Variants in DMD observed in about 807,000 individuals in gnomAD.
DMD encodes mutant dystrophin.
In DMD, 63 loss-of-function variants were observed where a neutral mutation model predicts 330.1. The ratio of observed to expected loss-of-function variants is 0.19; its 90% CI spans 0.16 to 0.24. The LOEUF is 0.24. DMD is among the 10% of genes least tolerant of loss of function. DMD has a pLI of 1.00. For synonymous variants in DMD, 1,223 were observed against 959.8 expected (o/e 1.27, Z -5.07); for missense variants, 3,344 against 2,684.1 (o/e 1.25, Z -5.43).
chrX:32,799,033 C>T (rs2076362751), intron 7 of DMD, among the ~76,000 whole-genome samples: 1 of 111,236 alleles, frequency 9.0e-6, no homozygotes, highest in South Asian at 3.7e-4. Context: ...TAAAAATATT[C>T]TTCTCTTTTA....
At chrX:31,368,800 C>T (rs779983346) in intron 60 of DMD, among the ~76,000 whole-genome samples, 2 of 110,823 alleles carry the variant, frequency 1.8e-5, no homozygotes, top group Middle Eastern at 9.3e-3. Flanking sequence ...TGTGTGCCAC[C>T]AAGCCCAGCT....
At chrX:32,629,214 A>T in intron 11 of DMD, among the ~76,000 whole-genome samples, 1 of 111,502 alleles carries the variant, frequency 9.0e-6, no homozygotes, top group East Asian at 2.8e-4. Flanking sequence ...GTACATATTT[A>T]TTTACAATTG....
intron 7 of DMD, among the ~76,000 whole-genome samples, chrX:32,759,865 G>C (rs73621824): frequency 1.3e-5 from 1 of 75,758 alleles, no homozygotes; most frequent in Non-Finnish European, 2.4e-5. Flanking sequence ...GGGGGCGGGG[G>C]AAGACCCAGG....
intron 1 of DMD, among the ~76,000 whole-genome samples, chrX:33,269,858 G>A (rs188135459): frequency 7.3e-5 from 8 of 110,288 alleles, no homozygotes; most frequent in African/African-American, 2.3e-4. Context: ...TTGCAAATTC[G>A]GAGTTTTGCA....
intron 7 of DMD, among the ~76,000 whole-genome samples, chrX:32,798,406 C>T (rs1474780251): frequency 8.9e-6 from 1 of 111,966 alleles, no homozygotes; most frequent in East Asian, 2.8e-4. Flanking sequence ...TCTCATGCCT[C>T]TTCTAACTTT....
chrX:32,310,040 T>C (rs1043938556), intron 42 of DMD, 42 bp downstream of exon 42: 1 of 1,124,230 alleles, frequency 8.9e-7, no homozygotes, highest in African/African-American at 1.8e-5. Context: ...ATGATCAGTA[T>C]GATCACCTTG....
intron 2 of DMD, among the ~76,000 whole-genome samples, chrX:32,885,827 GAAAAAAA>G (rs35272541): frequency 4.1e-3 from 265 of 64,948 alleles, no homozygotes; most frequent in African/African-American, 0.014. Flanking sequence ...CCTTGAGGGG[GAAAAAAA>G]AAAAAAAAAA....
intron 47 of DMD, among the ~76,000 whole-genome samples, chrX:31,928,334 G>A (rs776168012): frequency 1.8e-4 from 20 of 111,606 alleles, no homozygotes; most frequent in African/African-American, 6.2e-4. Context: ...GGCTGGGCGC[G>A]GTGGCTCACG....
chrX:31,926,099 G>A (rs2094771503), intron 47 of DMD, among the ~76,000 whole-genome samples: 1 of 110,211 alleles, frequency 9.1e-6, no homozygotes. Flanking sequence ...CAGAAGTGTG[G>A]GTGAAGATCA....
chrX:31,393,606 C>T (rs1328260958), intron 60 of DMD, among the ~76,000 whole-genome samples: 1 of 110,759 alleles, frequency 9.0e-6, no homozygotes, highest in Non-Finnish European at 1.9e-5. Flanking sequence ...ATATCAACAA[C>T]TAGAAATTAT....
chrX:32,769,371 G>A (rs1347831956), intron 7 of DMD, among the ~76,000 whole-genome samples: 1 of 110,840 alleles, frequency 9.0e-6, no homozygotes, highest in Non-Finnish European at 1.9e-5. Flanking sequence ...AAAACAGCAC[G>A]GGAAAGACCT....
intron 44 of DMD, among the ~76,000 whole-genome samples, chrX:32,168,684 G>T (rs2096877170): frequency 9.0e-6 from 1 of 111,087 alleles, no homozygotes; most frequent in African/African-American, 3.3e-5. Context: ...AAGGGCTCAA[G>T]CTGATTATTT....
intron 9 of DMD, among the ~76,000 whole-genome samples, chrX:32,681,366 G>T (rs2062409992): frequency 9.0e-6 from 1 of 111,321 alleles, no homozygotes; most frequent in Non-Finnish European, 1.9e-5. Context: ...TCCAATCACT[G>T]AAATTAGTTT....
At chrX:31,287,881 C>T (rs2053352648) in intron 62 of DMD, among the ~76,000 whole-genome samples, 1 of 111,722 alleles carries the variant, frequency 9.0e-6, no homozygotes, top group Non-Finnish European at 1.9e-5. Context: ...TGAATCTTTT[C>T]TGGTGCCTTA....
In DMD at chrX:32,388,341, C is replaced by CTTTTTT. The variant is rs3044988; in HGVS notation, c.4518+1154_4518+1159dup. 5.4e-3 allele frequency among the ~76,000 whole-genome samples: 423 copies of CTTTTTT among 78,519 alleles called. 10 individuals carry two copies. The highest frequency in any genetic ancestry group is 0.023 in the Middle Eastern group (3 of 131). 68.2% of individuals were successfully genotyped at this position (78,519 alleles called of 115,157 possible). ...AGGCACTTGGGTCATTTATGCTTTC[C>CTTTTTT]TTTTTTTTTTTTTTGGCAAAATTTA... is the stretch of plus-strand genomic sequence containing the variant. On this transcript the variant is annotated intron_variant, in intron 32 of 78. Coordinates refer to ENST00000357033, the MANE Select transcript of DMD (RefSeq NM_004006.3).
rs1335099725 is a variant in DMD at position 31,496,699 on chromosome X, C to T, written c.8547+89G>A. ...AAGAGTAAAAAAGATTTCTATTCAA[C>T]TTAATTTCAAACAAAATTAATTTTA... On this transcript the variant is annotated intron_variant, in intron 57 of 78. Coordinates refer to ENST00000357033, the MANE Select transcript of DMD (RefSeq NM_004006.3). 5.6e-6 allele frequency: 6 copies of T among 1,079,570 alleles called. No homozygotes were observed. In the Admixed American group the frequency reaches 1.4e-4, roughly 26 times the overall value. The allele number at this position is 1,079,570 out of a possible 1,213,427, so 89.0% of individuals were successfully genotyped here.
chrX:32,558,138 A>G (rs751249667), intron 16 of DMD, among the ~76,000 whole-genome samples: 2 of 111,400 alleles, frequency 1.8e-5, no homozygotes, highest in Admixed American at 9.6e-5. Flanking sequence ...TGTCCAATTT[A>G]ATGTATTTTG....
chrX:32,659,706 AT>A (rs1231781473), intron 9 of DMD, among the ~76,000 whole-genome samples: 1 of 110,689 alleles, frequency 9.0e-6, no homozygotes, highest in Admixed American at 9.7e-5. Context: ...ATATGAGGAC[AT>A]TTTTTTTCCT....
At chrX:32,111,005 C>A (rs2096765289) in intron 44 of DMD, among the ~76,000 whole-genome samples, 1 of 111,893 alleles carries the variant, frequency 8.9e-6, no homozygotes, top group Non-Finnish European at 1.9e-5. Flanking sequence ...AAACAGTGAC[C>A]AAATAAATGT....
Sources: gnomAD v4.1 joint callset for allele counts (sites outside exome capture counted in the v4.1 genomes callset) on GRCh38, gnomAD v4.1.1 for gene constraint, MANE v1.5 for transcripts, NCBI Gene and HGNC (gene_info 2026-07-23, HGNC 2026-07-21) for gene names.